NEDD9: variants seen among roughly 807,000 people sequenced by gnomAD.
NEDD9 encodes the protein enhancer of filamentation 1.
A neutral mutation model predicts 76.6 loss-of-function variants in NEDD9; 26 were observed. The ratio of observed to expected loss-of-function variants is 0.34; its 90% CI spans 0.25 to 0.47. The LOEUF (loss-of-function observed/expected upper bound fraction) is 0.47. Ranked by LOEUF, NEDD9 falls within the 20% of genes least tolerant of loss-of-function variation. NEDD9 has a pLI of 1.00. For missense variants in NEDD9, 937 were observed against 1,058.5 expected (o/e 0.89, Z 1.59); for synonymous variants, 392 against 414.2 (o/e 0.95, Z 0.65).
At chr6:11,192,143 A>C (rs919524296) in intron 4 of NEDD9, among the ~76,000 whole-genome samples, 1 of 152,186 alleles carries the variant, frequency 6.6e-6, no homozygotes, top group African/African-American at 2.4e-5. Flanking sequence ...CTCAATATGA[A>C]ATCCCTAGAG....
At chr6:11,270,539 G>A (rs1760281909) in intron 3 of NEDD9, among the ~76,000 whole-genome samples, 1 of 152,112 alleles carries the variant, frequency 6.6e-6, no homozygotes. Flanking sequence ...CTTGGCCATG[G>A]CTTATCAGCC....
intron 2 of NEDD9, among the ~76,000 whole-genome samples, chr6:11,207,076 C>G (rs947494934): frequency 1.3e-5 from 2 of 152,268 alleles, no homozygotes; most frequent in Admixed American, 1.3e-4. Flanking sequence ...TACCCTCTGC[C>G]CTAGGAGTAT....
intron 2 of NEDD9, among the ~76,000 whole-genome samples, chr6:11,209,303 CG>C (rs1758702827): frequency 6.6e-6 from 1 of 152,140 alleles, no homozygotes; most frequent in African/African-American, 2.4e-5. Flanking sequence ...ATGGATAAAA[CG>C]GCCCTGTGCA....
intron 3 of NEDD9, among the ~76,000 whole-genome samples, chr6:11,279,647 ATGT>A (rs1275847398): frequency 6.6e-6 from 1 of 152,092 alleles, no homozygotes; most frequent in African/African-American, 2.4e-5. Flanking sequence ...GCGAAAGCTG[ATGT>A]TGTGATGTGA....
intron 6 of NEDD9, among the ~76,000 whole-genome samples, chr6:11,187,228 G>T (rs1449476553): frequency 6.6e-6 from 1 of 152,176 alleles, no homozygotes; most frequent in African/African-American, 2.4e-5. Flanking sequence ...TTAGAACTCA[G>T]ATTTCCTAAA....
chr6:11,224,669 T>G (rs1329409437), intron 1 of NEDD9, among the ~76,000 whole-genome samples: 2 of 152,170 alleles, frequency 1.3e-5, no homozygotes, highest in East Asian at 3.8e-4. Flanking sequence ...GTCCTGACAC[T>G]GAAGACTCAG....
rs544527655 is a variant in NEDD9 at position 11,193,527 on chromosome 6, C to T, written c.561+64G>A. The T allele has an allele frequency of 2.4e-5, 30 of 1,276,140 alleles. 2 individuals are homozygous for T. The East Asian group carries it at 6.3e-4, about 27-fold the overall frequency. The allele number at this position is 1,276,140 out of a possible 1,614,324, so 79.1% of individuals were successfully genotyped here. ...TAATTTGTGAACTCCCTTTTCTCTA[C>T]AGCCCTGAAGGAATGCTACCCTTAG... On this transcript the variant is annotated intron_variant, in intron 3 of 6. Transcript: ENST00000379446.
chr6:11,191,169 C>A lies in NEDD9; in HGVS notation c.700G>T (p.Ala234Ser). ...TCATAGTCTTTTTCCCTAAGCCCTGCTTCATCCCGGCAAGCAGAGGGCGGA... is the reference window on the plus strand; with the variant it reads ...TCATAGTCTTTTTCCCTAAGCCCTGATTCATCCCGGCAAGCAGAGGGCGGA... ...AIPPSACRDE[A>S]GLREKDYDFP... is the part of the protein sequence containing the mutation. The change falls in exon 5 of 7, where the codon GCA becomes TCA. Residue 234 changes from alanine to serine, a missense_variant. Physicochemically the swap from Ala to Ser is moderately conservative, Grantham distance 99. Coordinates refer to ENST00000379446, the MANE Select transcript of NEDD9 (RefSeq NM_006403.4). 6.2e-7 allele frequency: 1 copy of A among 1,610,756 alleles called. No homozygotes were observed. Among genetic ancestry groups the A allele is most frequent in the South Asian group, 1.1e-5 (1 of 90,724 alleles).
intron 2 of NEDD9, among the ~76,000 whole-genome samples, chr6:11,205,671 G>A (rs1266599074): frequency 1.3e-5 from 2 of 151,594 alleles, no homozygotes; most frequent in East Asian, 1.9e-4. Context: ...TTGTTGCCCA[G>A]GCTGGAGTGC....
intron 3 of NEDD9, among the ~76,000 whole-genome samples, chr6:11,296,207 G>C (rs1760881826): frequency 6.6e-6 from 1 of 152,116 alleles, no homozygotes. Context: ...CCAGAACTGT[G>C]AGAGAATAAA....
chr6:11,378,774 G>C (rs1268129568), intron 1 of NEDD9, among the ~76,000 whole-genome samples: 1 of 152,158 alleles, frequency 6.6e-6, no homozygotes, highest in Admixed American at 6.5e-5. Flanking sequence ...TTGACCTCTA[G>C]TTAAGTGAAT....
At chr6:11,304,393 T>G (rs1168353250) in intron 3 of NEDD9, among the ~76,000 whole-genome samples, 2 of 152,246 alleles carry the variant, frequency 1.3e-5, no homozygotes, top group Non-Finnish European at 2.9e-5. Flanking sequence ...TGGAAGACAA[T>G]GTGGCGGTTC....
intron 3 of NEDD9, among the ~76,000 whole-genome samples, chr6:11,298,411 T>G (rs914987669): frequency 6.6e-6 from 1 of 152,192 alleles, no homozygotes; most frequent in African/African-American, 2.4e-5. Context: ...CATAGATAAT[T>G]CTAAAGCAAA....
At chr6:11,240,865 A>G (rs1300904802) in intron 3 of NEDD9, among the ~76,000 whole-genome samples, 1 of 152,226 alleles carries the variant, frequency 6.6e-6, no homozygotes, top group African/African-American at 2.4e-5. Context: ...CAAGGTTCAC[A>G]TTTCTACTAT....
At chr6:11,206,025 C>T (rs1758606022) in intron 2 of NEDD9, among the ~76,000 whole-genome samples, 1 of 152,236 alleles carries the variant, frequency 6.6e-6, no homozygotes, top group South Asian at 2.1e-4. Flanking sequence ...ATCTTGACAA[C>T]GTTTAAGGCA....
intron 3 of NEDD9, among the ~76,000 whole-genome samples, chr6:11,262,556 T>C (rs571036302): frequency 6.6e-6 from 1 of 152,326 alleles, no homozygotes; most frequent in South Asian, 2.1e-4. Context: ...TTATGTGTGG[T>C]TGGAACGGGG....
chr6:11,309,340 T>G (rs1047055547), intron 2 of NEDD9, among the ~76,000 whole-genome samples: 5 of 152,256 alleles, frequency 3.3e-5, no homozygotes, highest in African/African-American at 1.2e-4. Context: ...TTTCCAGTAC[T>G]AGCCCATTAT....
In NEDD9 at chr6:11,213,673, C is replaced by T. The variant is rs753036528; in HGVS notation, c.67G>A (p.Ala23Thr). 8.1e-6 allele frequency: 13 copies of T among 1,613,982 alleles called. No homozygotes were observed. Among genetic ancestry groups the T allele is most frequent in the African/African-American group, 1.3e-5 (1 of 74,862 alleles). ...DNVPECAEELAFRKGDILTVI... is the reference protein window; with the variant it reads ...DNVPECAEELTFRKGDILTVI... ...GTCAGGATGTCTCCCTTGCGAAAGGCCAGTTCCTCGGCACACTCTGGGACA... is the reference window on the plus strand; with the variant it reads ...GTCAGGATGTCTCCCTTGCGAAAGGTCAGTTCCTCGGCACACTCTGGGACA... Residue 23 changes from alanine to threonine, a missense_variant, in exon 2 of 7, where the codon GCC becomes ACC. By Grantham distance (58) the Ala-to-Thr change is moderately conservative. Coordinates refer to ENST00000379446, the MANE Select transcript of NEDD9 (RefSeq NM_006403.4). The surrounding 1 kb of genome is among the most constrained non-coding windows in gnomAD (Gnocchi z 5.4).
rs752612102 is a variant in NEDD9 at position 11,209,970 on chromosome 6, C to CTTTTTTTTTTTTTTT, written c.459+3310_459+3311insAAAAAAAAAAAAAAA. Among the ~76,000 whole-genome samples, 399 of 130,922 alleles carry CTTTTTTTTTTTTTTT rather than the reference C, an allele frequency of 3.0e-3. 23 individuals are homozygous for CTTTTTTTTTTTTTTT. The highest frequency in any genetic ancestry group is 5.6e-3 in the East Asian group (23 of 4,096). The allele number at this position is 130,922 out of a possible 152,430, so 85.9% of individuals were successfully genotyped here. A position where few individuals can be genotyped will look rare whatever the true frequency, so the allele number is the denominator to read the frequency against. On this transcript the variant is annotated intron_variant, in intron 2 of 6. Coordinates refer to ENST00000379446, the MANE Select transcript of NEDD9 (RefSeq NM_006403.4). ...AGTGATAGAAGGCAGAATTCACTGT[C>CTTTTTTTTTTTTTTT]TTTTTTTTTTCCTTAAGTGATTCAT...
Sources: gnomAD v4.1 joint callset for allele counts (sites outside exome capture counted in the v4.1 genomes callset) on GRCh38, gnomAD v4.1.1 for gene constraint, Gnocchi (gnomAD v3.1) non-coding constraint, MANE v1.5 for transcripts, NCBI Gene and HGNC (gene_info 2026-07-23, HGNC 2026-07-21) for gene names.